Variants in PLB1 observed in about 807,000 individuals in gnomAD.
PLB1 encodes phospholipase B1.
Under a neutral mutation model 227.4 loss-of-function variants are expected in PLB1, and 242 were observed. That is an observed-to-expected ratio of 1.06 (90% confidence interval 0.96 to 1.18). The LOEUF is 1.18. Ranked by LOEUF, PLB1 falls within the 50% of genes most tolerant of loss-of-function variation. The pLI is 0.00. For synonymous variants in PLB1, 757 were observed against 682.2 expected (o/e 1.11, Z -1.71); for missense variants, 1,858 against 1,816.3 (o/e 1.02, Z -0.42).
intron 14 of PLB1, among the ~76,000 whole-genome samples, chr2:28,547,731 G>A (rs1013479882): frequency 1.3e-5 from 2 of 152,242 alleles, no homozygotes; most frequent in Admixed American, 1.3e-4. Flanking sequence ...AGTAAAACTG[G>A]TTCTCCAACA....
At chr2:28,585,170 T>A (rs1680695140) in intron 25 of PLB1, among the ~76,000 whole-genome samples, 1 of 152,168 alleles carries the variant, frequency 6.6e-6, no homozygotes, top group Non-Finnish European at 1.5e-5. Flanking sequence ...CACAGCACTT[T>A]CCTCAGACAG....
chr2:28,597,996 T>A lies in PLB1; in HGVS notation c.2322-9T>A. The A allele has an allele frequency of 8.1e-6, 13 of 1,611,648 alleles. No individual in the cohort carries two copies. The highest frequency in any genetic ancestry group is 1.0e-5 in the Non-Finnish European group (12 of 1,177,810). ...CCCTCTCATTCACTGGCTTGCTCAC[T>A]CCCTACAGTGCAGGAGGGGACGGCT... On this transcript the variant is annotated splice_polypyrimidine_tract_variant and intron_variant, in intron 33 of 57. Transcript: ENST00000327757.
At chr2:28,543,466 G>A (rs1451648220) in intron 14 of PLB1, among the ~76,000 whole-genome samples, 198 bp downstream of exon 14, 3 of 152,208 alleles carry the variant, frequency 2.0e-5, no homozygotes, top group African/African-American at 7.2e-5. Context: ...CAGGTTCTGC[G>A]CTGCAGCCAG....
At position 28,643,044 on chromosome 2, in the gene PLB1, C is replaced by G; in HGVS notation, c.4360C>G (p.Arg1454Gly). ...GRREDPPMSL[R>G]TVAL ...GAGGGAAGATCCTCCAATGAGCCTG[C>G]GCACTGTGGCCCTCTAGGCCCGGGG... Residue 1454 changes from arginine to glycine, a missense_variant, in exon 58 of 58, where the codon CGC becomes GGC. Coordinates refer to ENST00000327757, the MANE Select transcript of PLB1 (RefSeq NM_153021.5). 2.5e-6 allele frequency: 4 copies of G among 1,605,764 alleles called. No homozygotes were observed. The highest frequency in any genetic ancestry group is 3.4e-6 in the Non-Finnish European group (4 of 1,176,432).
At chr2:28,585,531 C>T in intron 25 of PLB1, 1 of 453,518 alleles carries the variant, frequency 2.2e-6, no homozygotes, top group African/African-American at 2.0e-5. Context: ...CCCACCTCGG[C>T]CCACCAAAGT....
chr2:28,563,787 C>T (rs908345018), intron 18 of PLB1, among the ~76,000 whole-genome samples: 1 of 152,118 alleles, frequency 6.6e-6, no homozygotes, highest in Non-Finnish European at 1.5e-5. Flanking sequence ...CAGAGTCCAG[C>T]TGCTATTCTC....
chr2:28,634,878 T>A (rs890636694), intron 56 of PLB1, among the ~76,000 whole-genome samples: 2 of 151,594 alleles, frequency 1.3e-5, no homozygotes, highest in Non-Finnish European at 2.9e-5. Flanking sequence ...ACCACCGCAC[T>A]CCAGCCTGGG....
intron 43 of PLB1, among the ~76,000 whole-genome samples, chr2:28,613,491 A>G (rs11901746): frequency 0.13 from 19,443 of 152,112 alleles, 1,484 homozygotes; most frequent in African/African-American, 0.21. Context: ...GACTGGGCTT[A>G]TGTGAAAACT....
In PLB1 at chr2:28,632,950, G is replaced by C; in HGVS notation, c.4009G>C (p.Asp1337His). The C allele has an allele frequency of 1.2e-6, 2 of 1,605,522 alleles. No homozygotes were observed. The highest frequency in any genetic ancestry group is 1.7e-6 in the Non-Finnish European group (2 of 1,179,756). ...NTLTPLNERGDTDLTFFSEDC... is the reference protein window; with the variant it reads ...NTLTPLNERGHTDLTFFSEDC... ...TCCTTGCCGTTGGTTGCAGAGAGGG[G>C]ACACTGACCTCACCTTCTTCTCCGA... Residue 1337 changes from aspartate (D) to histidine (H), a missense_variant, in exon 56 of 58, where the codon GAC becomes CAC. Transcript: ENST00000327757.
chr2:28,585,204 A>T (rs765764558), intron 25 of PLB1, among the ~76,000 whole-genome samples: 1 of 152,190 alleles, frequency 6.6e-6, no homozygotes, highest in African/African-American at 2.4e-5. Context: ...CGTCTCCATA[A>T]AAGTCACTCC....
In PLB1 at chr2:28,630,457, C is replaced by G. The variant is rs1688449692; in HGVS notation, c.3819-129C>G. Reference sequence around the variant, plus strand: ...GGGATACTTGTGTGTCACCCCCCGCCCTAGGTAAGGCAGCACAGGCTGCAG... The same window carrying G: ...GGGATACTTGTGTGTCACCCCCCGCGCTAGGTAAGGCAGCACAGGCTGCAG... On this transcript the variant is annotated intron_variant, in intron 53 of 57. Coordinates refer to ENST00000327757, the MANE Select transcript of PLB1 (RefSeq NM_153021.5). The G allele has an allele frequency of 1.8e-5, 12 of 670,058 alleles. No individual in the cohort carries two copies. In the East Asian group the frequency reaches 2.2e-4, roughly 12 times the overall value. The allele number at this position is 670,058 out of a possible 1,614,324, so 41.5% of individuals were successfully genotyped here. A position where few individuals can be genotyped will look rare whatever the true frequency, so the allele number is the denominator to read the frequency against.
intron 56 of PLB1, among the ~76,000 whole-genome samples, chr2:28,633,976 CCT>C (rs891374047): frequency 7.9e-5 from 12 of 152,216 alleles, no homozygotes; most frequent in African/African-American, 2.7e-4. Context: ...CGTTCCCACC[CCT>C]GTCAGCTCAT....
intron 4 of PLB1, among the ~76,000 whole-genome samples, chr2:28,521,544 T>C (rs1669534784): frequency 6.6e-6 from 1 of 152,204 alleles, no homozygotes; most frequent in East Asian, 1.9e-4. Context: ...ATTTCCCTGA[T>C]GATTAGTATG....
intron 22 of PLB1, among the ~76,000 whole-genome samples, chr2:28,579,263 A>G (rs1679510213): frequency 6.6e-6 from 1 of 152,182 alleles, no homozygotes; most frequent in South Asian, 2.1e-4. Context: ...TCTGGAACAA[A>G]CATTCCTTTC....
At chr2:28,594,874 A>T (rs570471353) in intron 33 of PLB1, 1 of 152,208 alleles carries the variant, frequency 6.6e-6, no homozygotes, top group African/African-American at 2.4e-5. Context: ...GGCTACAAGA[A>T]AAAAAACCAG....
At position 28,589,553 on chromosome 2, in the gene PLB1, C is replaced by T. The variant is rs113695605; in HGVS notation, c.1919C>T (p.Ser640Leu). 26 of 1,613,910 alleles carry T rather than the reference C, an allele frequency of 1.6e-5. No individual in the cohort carries two copies. The highest frequency in any genetic ancestry group is 6.7e-5 in the Admixed American group (4 of 60,004). Residue 640 changes from serine to leucine, a missense_variant and splice_region_variant, in exon 27 of 58, where the codon TCG becomes TTG. Ser to Leu is a moderately radical substitution (Grantham distance 145). Transcript: ENST00000327757. ...FFENVDMPKT[S>L]EGLPDNSFFA... The stretch of plus-strand genomic sequence containing the variant: ...GAAAACGTGGACATGCCAAAGACCT[C>T]GGTAAAGAAAGCAAGCATCGTAGAA...
At chr2:28,636,567 A>G (rs532228408) in intron 56 of PLB1, among the ~76,000 whole-genome samples, 46 of 152,306 alleles carry the variant, frequency 3.0e-4, no homozygotes, top group African/African-American at 1.1e-3. Flanking sequence ...GCCCCAAACT[A>G]GAAACTCCCC....
chr2:28,523,848 G>C (rs1669872109), intron 4 of PLB1, among the ~76,000 whole-genome samples: 1 of 152,146 alleles, frequency 6.6e-6, no homozygotes, highest in Non-Finnish European at 1.5e-5. Context: ...AAATGACTCT[G>C]GGGGGTGCCC....
chr2:28,622,585 G>T (rs1687188195), intron 49 of PLB1, among the ~76,000 whole-genome samples: 1 of 152,112 alleles, frequency 6.6e-6, no homozygotes, highest in Non-Finnish European at 1.5e-5. Context: ...GAACCCTAAG[G>T]TGGTTACTAA....
Sources: gnomAD v4.1 joint callset for allele counts (sites outside exome capture counted in the v4.1 genomes callset) on GRCh38, gnomAD v4.1.1 for gene constraint, MANE v1.5 for transcripts, NCBI Gene and HGNC (gene_info 2026-07-23, HGNC 2026-07-21) for gene names.